Variants in HABP2 observed in about 807,000 individuals in gnomAD.
HABP2 encodes factor VII-activating protease.
Under a neutral mutation model 66.5 loss-of-function variants are expected in HABP2, and 65 were observed. That is an observed-to-expected ratio of 0.98 (90% CI 0.80 to 1.20). The LOEUF (loss-of-function observed/expected upper bound fraction) is 1.20, where lower values mean the gene tolerates loss of function less well. Among genes scored for constraint, HABP2 ranks in the 50% most tolerant of loss-of-function variants. The probability of loss-of-function intolerance (pLI) is 0.00; values close to 1 mark genes in which losing one functional copy is unlikely to be tolerated. For missense variants in HABP2, 786 were observed against 691.0 expected (o/e 1.14, Z -1.54); for synonymous variants, 263 against 253.9 (o/e 1.04, Z -0.34).
chr10:113,583,482 C>T lies in HABP2; in HGVS notation c.1237+124C>T, dbSNP rs187818228. 38 of 789,508 alleles carry T rather than the reference C, an allele frequency of 4.8e-5. No homozygotes were observed. The Admixed American group carries it at 5.0e-4, about 10-fold the overall frequency. 48.9% of individuals were successfully genotyped at this position (789,508 alleles called of 1,614,324 possible). A position where few individuals can be genotyped will look rare whatever the true frequency, so the allele number is the denominator to read the frequency against. ...GTTTTTGGTCCCTGTGGACCCTGTG[C>T]GGTAGGGAATGTATTCCAGGGATTT... On this transcript the variant is annotated intron_variant, in intron 10 of 12. Transcript: ENST00000351270.
At position 113,588,190 on chromosome 10, in the gene HABP2, C is replaced by T; in HGVS notation, c.1519-15C>T. 6.3e-7 allele frequency: 1 copy of T among 1,585,344 alleles called. No individual in the cohort carries two copies. The highest frequency in any genetic ancestry group is 1.2e-5 in the South Asian group (1 of 86,248). ...CTGGTTCACGAGGATGAGCTTATGC[C>T]TCTGTTTCCCTTAGGGTGACTCTGG... On this transcript the variant is annotated splice_polypyrimidine_tract_variant and intron_variant, in intron 12 of 12. Coordinates refer to ENST00000351270, the MANE Select transcript of HABP2 (RefSeq NM_004132.5).
At chr10:113,588,060 G>A (rs1173015658) in intron 12 of HABP2, 145 bp from the exon 13 acceptor site, 6 of 580,266 alleles carry the variant, frequency 1.0e-5, no homozygotes, top group South Asian at 2.7e-5. Flanking sequence ...TGTGGGGAGA[G>A]CCTTGTCACT....
chr10:113,559,103 C>T (rs1845054175), intron 1 of HABP2, among the ~76,000 whole-genome samples: 1 of 152,210 alleles, frequency 6.6e-6, no homozygotes, highest in Admixed American at 6.5e-5. Flanking sequence ...GATCCACCCG[C>T]CCTGGCCTCC....
At chr10:113,578,901 C>T (rs577334237) in intron 7 of HABP2, 103 bp downstream of exon 7, 6 of 795,028 alleles carry the variant, frequency 7.5e-6, no homozygotes, top group East Asian at 2.5e-5. Context: ...TCTTACTCAG[C>T]AAGGCAATGT....
chr10:113,578,181 G>A (rs773100199), intron 6 of HABP2, 36 bp downstream of exon 6: 4 of 1,610,344 alleles, frequency 2.5e-6, no homozygotes, highest in East Asian at 4.5e-5. Flanking sequence ...CCACAAGTGA[G>A]GCCTCTGGAA....
chr10:113,585,985 G>A lies in HABP2; in HGVS notation c.1518+47G>A, dbSNP rs916807692. On this transcript the variant is annotated intron_variant, in intron 12 of 12. Transcript: ENST00000351270. Reference sequence around the variant, plus strand: ...TTGTGGTAGGAGAGGCTAGCAGGATGTTTCACTAGGCAGAGGACCCTTAGA... The same window carrying A: ...TTGTGGTAGGAGAGGCTAGCAGGATATTTCACTAGGCAGAGGACCCTTAGA... 4 of 1,564,474 alleles carry A rather than the reference G, an allele frequency of 2.6e-6. No homozygotes were observed. The African/African-American group carries it at 4.1e-5, about 16-fold the overall frequency.
At chr10:113,576,138 C>CA in intron 4 of HABP2, 134 bp downstream of exon 4, 1 of 623,962 alleles carries the variant, frequency 1.6e-6, no homozygotes, top group Non-Finnish European at 2.9e-6. Flanking sequence ...GTGTATTCCT[C>CA]TGCAGGGTCC....
At chr10:113,583,153 T>C (rs755668324) in intron 9 of HABP2, 63 bp from the exon 10 acceptor site, 2 of 1,505,836 alleles carry the variant, frequency 1.3e-6, no homozygotes, top group Non-Finnish European at 1.8e-6. Context: ...AGGTCAGATT[T>C]GCCAAAGGCC....
At chr10:113,562,550 T>C (rs1845119313) in intron 1 of HABP2, among the ~76,000 whole-genome samples, 1 of 151,580 alleles carries the variant, frequency 6.6e-6, no homozygotes, top group Non-Finnish European at 1.5e-5. Context: ...GTTCAAGCGA[T>C]TCTTGTGCCT....
chr10:113,555,457 C>T (rs1444457491), intron 1 of HABP2, among the ~76,000 whole-genome samples: 3 of 152,108 alleles, frequency 2.0e-5, no homozygotes, highest in East Asian at 3.9e-4. Context: ...ATGGACTCCA[C>T]GTGTCTCTGA....
chr10:113,566,011 T>G (rs187195138), intron 1 of HABP2, among the ~76,000 whole-genome samples: 114 of 152,340 alleles, frequency 7.5e-4, no homozygotes, highest in African/African-American at 2.7e-3. Flanking sequence ...TATTTTTCTT[T>G]CCTAATTTAT....
chr10:113,578,483 T>A (rs1845455931), intron 6 of HABP2, 144 bp from the exon 7 acceptor site: 1 of 652,748 alleles, frequency 1.5e-6, no homozygotes, highest in South Asian at 1.9e-5. Flanking sequence ...TTCAACACTT[T>A]TTTTTCTGAA....
intron 10 of HABP2, among the ~76,000 whole-genome samples, chr10:113,583,623 C>T (rs1237692169): frequency 1.3e-5 from 2 of 152,216 alleles, no homozygotes; most frequent in Non-Finnish European, 1.5e-5. Flanking sequence ...ATCCCAGCTT[C>T]CCAACTTTAT....
chr10:113,574,422 T>G lies in HABP2; in HGVS notation c.223+17T>G. 200 of 1,187,538 alleles carry G rather than the reference T, an allele frequency of 1.7e-4. No individual in the cohort carries two copies. Among genetic ancestry groups the G allele is most frequent in the Non-Finnish European group, 2.3e-4 (185 of 790,172 alleles). The allele number at this position is 1,187,538 out of a possible 1,614,324, so 73.6% of individuals were successfully genotyped here. ...ACCAAGCTGGTAGGTACCAAATCTCTTTCAGGGACTCTCCTGGGAGAAGGT... is the reference window on the plus strand; with the variant it reads ...ACCAAGCTGGTAGGTACCAAATCTCGTTCAGGGACTCTCCTGGGAGAAGGT... On this transcript the variant is annotated intron_variant, in intron 3 of 12. Transcript: ENST00000351270.
At chr10:113,563,768 C>T (rs1845144827) in intron 1 of HABP2, among the ~76,000 whole-genome samples, 1 of 152,156 alleles carries the variant, frequency 6.6e-6, no homozygotes, top group Non-Finnish European at 1.5e-5. Context: ...GAAGGATGTC[C>T]CTCAAAGTCT....
rs1564686658 is a variant in HABP2, at chr10:113,589,309, G to A, written c.*940G>A. ...GGCTTCTTTCTTCTGAACAAAGTAG[G>A]GTTCAAAATGCAGACTGTCATATCC... On this transcript the variant is annotated 3_prime_UTR_variant, in exon 13 of 13. Coordinates refer to ENST00000351270, the MANE Select transcript of HABP2 (RefSeq NM_004132.5). The A allele has an allele frequency of 3.5e-6, 2 of 575,936 alleles. No homozygotes were observed. The highest frequency in any genetic ancestry group is 6.1e-6 in the Non-Finnish European group (2 of 326,234). The allele number at this position is 575,936 out of a possible 1,614,324, so 35.7% of individuals were successfully genotyped here.
At chr10:113,581,836 G>A (rs1699190088) in intron 8 of HABP2, 40 bp from the exon 9 acceptor site, 1 of 1,610,612 alleles carries the variant, frequency 6.2e-7, no homozygotes, top group African/African-American at 1.3e-5. Context: ...GAACTGGAGG[G>A]AGGCTGAATA....
chr10:113,584,774 T>A (rs1463307401), intron 11 of HABP2, among the ~76,000 whole-genome samples: 1 of 152,224 alleles, frequency 6.6e-6, no homozygotes, highest in Non-Finnish European at 1.5e-5. Flanking sequence ...CAGGTCCCAT[T>A]CATCTCTGTC....
intron 12 of HABP2, among the ~76,000 whole-genome samples, 170 bp downstream of exon 12, chr10:113,586,108 C>T (rs547511811): frequency 6.6e-5 from 10 of 152,302 alleles, no homozygotes; most frequent in South Asian, 4.1e-4. Context: ...CATCTGCATC[C>T]GCATCAACCC....
Sources: gnomAD v4.1 joint callset for allele counts (sites outside exome capture counted in the v4.1 genomes callset) on GRCh38, gnomAD v4.1.1 for gene constraint, MANE v1.5 for transcripts, NCBI Gene and HGNC (gene_info 2026-07-23, HGNC 2026-07-21) for gene names.